Variants in EML6 observed in about 807,000 individuals in gnomAD.
The protein encoded by EML6 is echinoderm microtubule-associated protein-like 6.
EML6 carries 154 observed loss-of-function variants against 240.1 expected under a neutral mutation model. The observed-to-expected ratio is 0.64, with a 90% CI of 0.56 to 0.73. The LOEUF is 0.73. Among genes scored for constraint, EML6 ranks in the 30% least tolerant of loss-of-function variants. The pLI is 0.00. For synonymous variants in EML6, 1,148 were observed against 899.0 expected, an observed-to-expected ratio of 1.28 and a Z score of -4.95; for missense variants, 2,964 against 2,474.6, an observed-to-expected ratio of 1.20 and a Z score of -4.20.
intron 28 of EML6, among the ~76,000 whole-genome samples, chr2:54,944,825 G>A (rs1207348711): frequency 6.6e-6 from 1 of 152,018 alleles, no homozygotes; most frequent in East Asian, 1.9e-4. Flanking sequence ...CCAGTTCTTA[G>A]GAATACTGTT....
At chr2:54,934,342 C>T (rs1675021661) in intron 28 of EML6, among the ~76,000 whole-genome samples, 1 of 152,078 alleles carries the variant, frequency 6.6e-6, no homozygotes, top group Non-Finnish European at 1.5e-5. Flanking sequence ...CTCCCATGAG[C>T]TCCTCCCTTG....
chr2:54,863,695 T>C lies in EML6; in HGVS notation c.1826-88T>C, dbSNP rs539341171. On this transcript the variant is annotated intron_variant, in intron 12 of 41. Coordinates refer to ENST00000356458, the MANE Select transcript of EML6 (RefSeq NM_001039753.4). ...ATGGTATAGTTTTTATTTACTTTGC[T>C]AGGATAAAAGGAAAAATATTTTAGA... 112 of 700,994 alleles carry C rather than the reference T, an allele frequency of 1.6e-4. 1 individual carries two copies. Among genetic ancestry groups the C allele is most frequent in the African/African-American group, 1.5e-3 (82 of 54,674 alleles). The allele number at this position is 700,994 out of a possible 1,614,324, so 43.4% of individuals were successfully genotyped here.
chr2:54,815,819 A>C (rs527961278), intron 3 of EML6, among the ~76,000 whole-genome samples: 1 of 152,344 alleles, frequency 6.6e-6, no homozygotes, highest in South Asian at 2.1e-4. Flanking sequence ...TTTCATCCAC[A>C]CTGTGAGTGT....
intron 24 of EML6, among the ~76,000 whole-genome samples, chr2:54,906,661 T>G (rs2104251511): frequency 6.6e-6 from 1 of 152,248 alleles, no homozygotes; most frequent in East Asian, 1.9e-4. Context: ...GTAGAGACAC[T>G]TCTGATTTTT....
At chr2:54,740,741 T>C (rs1435812256) in intron 2 of EML6, among the ~76,000 whole-genome samples, 1 of 151,906 alleles carries the variant, frequency 6.6e-6, no homozygotes, top group South Asian at 2.1e-4. Flanking sequence ...ATAAGAGATA[T>C]TGTTACAGAT....
chr2:54,905,125 T>C (rs1299344755), intron 24 of EML6, among the ~76,000 whole-genome samples: 1 of 152,148 alleles, frequency 6.6e-6, no homozygotes, highest in African/African-American at 2.4e-5. Flanking sequence ...TGCCGAGGGC[T>C]TTGACCGGCA....
chr2:54,773,890 G>A (rs529252380), intron 2 of EML6, among the ~76,000 whole-genome samples: 2 of 152,338 alleles, frequency 1.3e-5, no homozygotes, highest in South Asian at 4.1e-4. Flanking sequence ...GTCAGATCTA[G>A]ATTCAAATCT....
intron 30 of EML6, among the ~76,000 whole-genome samples, chr2:54,951,486 A>G (rs1675973238): frequency 6.6e-6 from 1 of 152,016 alleles, no homozygotes; most frequent in Admixed American, 6.6e-5. Flanking sequence ...TGGAGGTTGC[A>G]GTGAGCCAAG....
rs764096841 is a variant in EML6, at chr2:54,970,134, C to A, written c.*39C>A. The A allele has an allele frequency of 1.3e-6, 2 of 1,548,570 alleles. No individual in the cohort carries two copies. The highest frequency in any genetic ancestry group is 1.4e-5 in the African/African-American group (1 of 72,978). ...TCTTATGTTATTGCTGCTGCTGCTA[C>A]CAGCCAGCAACTGCAGAGGCCATGC... On this transcript the variant is annotated 3_prime_UTR_variant, in exon 42 of 42. Coordinates refer to ENST00000356458, the MANE Select transcript of EML6 (RefSeq NM_001039753.4).
In EML6 at chr2:54,849,633, C is replaced by T. The variant is rs139203074; in HGVS notation, c.1188-329C>T. On this transcript the variant is annotated intron_variant, in intron 9 of 41. Coordinates refer to ENST00000356458, the MANE Select transcript of EML6 (RefSeq NM_001039753.4). ...CCTCCCGATTAGCTGGGACTACAGG[C>T]GCCTGCCACCACGGCCGGCTAATTT... 5.3e-5 allele frequency among the ~76,000 whole-genome samples: 8 copies of T among 152,282 alleles called. No individual in the cohort carries two copies. The East Asian group carries it at 7.7e-4, about 15-fold the overall frequency.
intron 2 of EML6, among the ~76,000 whole-genome samples, chr2:54,726,040 C>T (rs1395451487): frequency 6.6e-6 from 1 of 152,234 alleles, no homozygotes; most frequent in African/African-American, 2.4e-5. Flanking sequence ...TGGCCCTATC[C>T]TCTCATCTTT....
In EML6 at chr2:54,950,715, T is replaced by A. The variant is rs759828586; in HGVS notation, c.4149T>A (p.Leu1383=). 757 of 1,551,552 alleles carry A rather than the reference T, an allele frequency of 4.9e-4. 2 individuals carry two copies. The highest frequency in any genetic ancestry group is 6.1e-4 in the Non-Finnish European group (696 of 1,146,994). ...ACTGTCGAAATAACCTGCATTACCTTAATGATGGCGCTGACATCATCTTCC... is the reference window on the plus strand; with the variant it reads ...ACTGTCGAAATAACCTGCATTACCTAAATGATGGCGCTGACATCATCTTCC... ...GFDCRNNLHY[L]NDGADIIFHT... is the part of the protein sequence containing the mutation. Residue 1383 remains leucine (L), a synonymous_variant, in exon 30 of 42, where the codon CTT becomes CTA. Transcript: ENST00000356458.
At chr2:54,961,068 CAT>C (rs1676471565) in intron 35 of EML6, among the ~76,000 whole-genome samples, 1 of 151,710 alleles carries the variant, frequency 6.6e-6, no homozygotes, top group South Asian at 2.1e-4. Context: ...TGGAGTACCA[CAT>C]GATTCAAAAC....
chr2:54,928,695 G>A lies in EML6; in HGVS notation c.3948G>A (p.Arg1316=). 2 of 1,551,754 alleles carry A rather than the reference G, an allele frequency of 1.3e-6. No individual in the cohort carries two copies. The highest frequency in any genetic ancestry group is 1.7e-6 in the Non-Finnish European group (2 of 1,147,018). The change falls in exon 28 of 42, where the codon AGG becomes AGA. Residue 1316 remains arginine (R), a synonymous_variant. Transcript: ENST00000356458. ...CCAAGATTTATGCTGTGAGCATCAG[G>A]GAAATGGAAGGCACCAAGCCACACC... ...YTTKIYAVSI[R]EMEGTKPHQQ... is the part of the protein sequence containing the mutation.
At chr2:54,961,184 G>GTTGTTTTTTTTTTTTGTTTTTTTTTTTT in intron 35 of EML6, among the ~76,000 whole-genome samples, 1 of 55,424 alleles carries the variant, frequency 1.8e-5, no homozygotes. Context: ...TCAGGAAGTA[G>GTTGTTTTTTTTTTTTGTTTTTTTTTTTT]TTTTTTTTTT....
chr2:54,736,623 C>T (rs751897636), intron 2 of EML6, among the ~76,000 whole-genome samples: 7 of 152,190 alleles, frequency 4.6e-5, no homozygotes, highest in Non-Finnish European at 8.8e-5. Context: ...TTCTCTGGAG[C>T]GACTTCAGTG....
chr2:54,816,535 T>C (rs550308440), intron 3 of EML6, among the ~76,000 whole-genome samples: 59 of 152,294 alleles, frequency 3.9e-4, no homozygotes, highest in African/African-American at 1.4e-3. Flanking sequence ...TCCTGAGAGT[T>C]TATATGTATG....
chr2:54,948,971 C>A lies in EML6; in HGVS notation c.4083+11C>A, dbSNP rs1395298146. The A allele has an allele frequency of 9.8e-6, 15 of 1,535,264 alleles. No homozygotes were observed. In the Admixed American group the frequency reaches 2.9e-4, roughly 30 times the overall value. On this transcript the variant is annotated intron_variant, in intron 29 of 41. Transcript: ENST00000356458. The stretch of plus-strand genomic sequence containing the variant: ...AAGAAACTGGTTGAGGTGAGTTAAA[C>A]AATCACTTGTAGTCTGATATTGACG...
chr2:54,924,998 C>T (rs1361936655), intron 26 of EML6, among the ~76,000 whole-genome samples: 2 of 152,206 alleles, frequency 1.3e-5, no homozygotes. Flanking sequence ...AGTTCATTAT[C>T]TGTTATGAAC....
Sources: allele counts gnomAD v4.1 joint callset (sites outside exome capture counted in the v4.1 genomes callset), GRCh38; gene constraint gnomAD v4.1.1; transcripts MANE v1.5; gene names NCBI Gene and HGNC (gene_info 2026-07-23, HGNC 2026-07-21).